The following DLGAP1 variants were observed in gnomAD, a reference collection of about 807,000 sequenced individuals.
The protein encoded by DLGAP1 is DLG associated protein 1.
In DLGAP1, 11 loss-of-function variants were observed where a neutral mutation model predicts 90.8. The observed-to-expected ratio is 0.12, with a 90% CI of 0.08 to 0.20. The LOEUF (loss-of-function observed/expected upper bound fraction) is 0.20. DLGAP1 is among the 10% of genes least tolerant of loss of function. The pLI, the probability that DLGAP1 is intolerant of heterozygous loss-of-function variation, is 1.00. For missense variants in DLGAP1, 1,050 were observed against 1,333.8 expected, an observed-to-expected ratio of 0.79 and a Z score of 3.31; for synonymous variants, 558 against 540.7, an observed-to-expected ratio of 1.03 and a Z score of -0.44.
intron 7 of DLGAP1, among the ~76,000 whole-genome samples, chr18:3,621,825 G>C (rs574428776): frequency 6.6e-6 from 1 of 152,236 alleles, no homozygotes; most frequent in Admixed American, 6.5e-5. Flanking sequence ...GAAATTAGCT[G>C]GGCATGGTGG....
intron 5 of DLGAP1, among the ~76,000 whole-genome samples, chr18:3,761,944 G>A (rs1021552225): frequency 3.4e-4 from 52 of 152,248 alleles, no homozygotes; most frequent in Admixed American, 2.2e-3. Flanking sequence ...GAAGAACTTC[G>A]TCTTTTCTAT....
intron 3 of DLGAP1, among the ~76,000 whole-genome samples, chr18:3,882,874 A>T (rs1198592269): frequency 6.6e-6 from 1 of 152,242 alleles, no homozygotes; most frequent in African/African-American, 2.4e-5. Flanking sequence ...TTGGAAAGCC[A>T]ACATGACTCT....
chr18:3,515,465 T>A (rs548085148), intron 10 of DLGAP1, among the ~76,000 whole-genome samples: 3 of 18,512 alleles, frequency 1.6e-4, no homozygotes, highest in African/African-American at 3.1e-4. Flanking sequence ...CGAGATTCCA[T>A]CTCAAAAAAA....
intron 10 of DLGAP1, among the ~76,000 whole-genome samples, chr18:3,510,780 T>G (rs2050496764): frequency 1.3e-5 from 2 of 152,222 alleles, no homozygotes; most frequent in Admixed American, 1.3e-4. Flanking sequence ...CTGATGGTTC[T>G]CAATTATGTC....
At chr18:3,559,815 G>T (rs2053971435) in intron 9 of DLGAP1, among the ~76,000 whole-genome samples, 1 of 151,480 alleles carries the variant, frequency 6.6e-6, no homozygotes, top group South Asian at 2.1e-4. Flanking sequence ...TAGATACGGG[G>T]TTTCACCATA....
intron 3 of DLGAP1, among the ~76,000 whole-genome samples, chr18:3,973,488 G>A (rs1036073024): frequency 1.3e-5 from 2 of 152,136 alleles, no homozygotes; most frequent in Non-Finnish European, 2.9e-5. Context: ...GAGGGGAGTG[G>A]TGGAGTATAT....
chr18:4,391,167 C>A (rs548148396), intron 1 of DLGAP1, among the ~76,000 whole-genome samples: 3 of 152,172 alleles, frequency 2.0e-5, no homozygotes, highest in Non-Finnish European at 4.4e-5. Flanking sequence ...GGAAGATGCT[C>A]CTCCTGCAAT....
intron 1 of DLGAP1, among the ~76,000 whole-genome samples, chr18:4,411,246 C>A (rs2082770721): frequency 6.6e-6 from 1 of 152,114 alleles, no homozygotes; most frequent in Non-Finnish European, 1.5e-5. Flanking sequence ...AAGGAATAGT[C>A]CAAACATCAC....
intron 1 of DLGAP1, among the ~76,000 whole-genome samples, chr18:4,436,563 A>T (rs1050683029): frequency 2.6e-5 from 4 of 151,770 alleles, no homozygotes; most frequent in Non-Finnish European, 5.9e-5. Flanking sequence ...TTATAAACAC[A>T]TTCATGCCTG....
At chr18:4,111,422 G>A (rs532399792) in intron 2 of DLGAP1, among the ~76,000 whole-genome samples, 29 of 152,012 alleles carry the variant, frequency 1.9e-4, no homozygotes, top group Admixed American at 3.3e-4. Flanking sequence ...TTAGCAAAAC[G>A]CTGGCATCAT....
chr18:4,382,519 G>C (rs1260595397), intron 1 of DLGAP1, among the ~76,000 whole-genome samples: 1 of 136,134 alleles, frequency 7.3e-6, no homozygotes, highest in African/African-American at 2.8e-5. Flanking sequence ...ATTACTTCTT[G>C]GTATGAAACT....
chr18:4,041,277 A>G (rs1369152273), intron 2 of DLGAP1, among the ~76,000 whole-genome samples: 1 of 152,192 alleles, frequency 6.6e-6, no homozygotes, highest in East Asian at 1.9e-4. Flanking sequence ...TCATCATCAT[A>G]GCATGTTACA....
intron 7 of DLGAP1, among the ~76,000 whole-genome samples, chr18:3,611,650 T>TA (rs2057634982): frequency 6.6e-6 from 1 of 152,186 alleles, no homozygotes; most frequent in Admixed American, 6.5e-5. Context: ...TGGCAGAACT[T>TA]ACCACGCGTT....
chr18:3,905,366 C>CA (rs71160924), intron 3 of DLGAP1, among the ~76,000 whole-genome samples: 4,809 of 19,764 alleles, frequency 0.24, 1,550 homozygotes, highest in East Asian at 0.44. Context: ...GACTCCATCT[C>CA]AAAAAAAAAA....
intron 2 of DLGAP1, among the ~76,000 whole-genome samples, chr18:4,111,886 A>C (rs1254579750): frequency 2.0e-5 from 3 of 150,438 alleles, no homozygotes; most frequent in East Asian, 1.9e-4. Flanking sequence ...TCAAATAATA[A>C]ATTTTTTGTT....
chr18:3,582,313 C>A, intron 7 of DLGAP1, 65 bp from the exon 8 acceptor site: 1 of 1,551,792 alleles, frequency 6.4e-7, no homozygotes. Flanking sequence ...GATATTGTAA[C>A]TGACAGCCAT....
intron 7 of DLGAP1, chr18:3,596,555 CT>C (rs35616000): frequency 0.56 from 106,484 of 191,662 alleles, 27,600 homozygotes; most frequent in African/African-American, 0.72. Flanking sequence ...GTTAGGAGAA[CT>C]TTTTTTTTTT....
intron 3 of DLGAP1, among the ~76,000 whole-genome samples, chr18:3,932,373 A>T (rs2072538180): frequency 6.6e-6 from 1 of 152,236 alleles, no homozygotes; most frequent in Admixed American, 6.5e-5. Context: ...ATCAACAAAA[A>T]GTGCCTCATG....
At chr18:4,313,530 C>T (rs4286191) in intron 1 of DLGAP1, among the ~76,000 whole-genome samples, 34,588 of 151,912 alleles carry the variant, frequency 0.23, 4,013 homozygotes, top group Middle Eastern at 0.28. Flanking sequence ...GTGTGTTAGA[C>T]GAAACTCTGA....
Sources: gnomAD v4.1 joint callset for allele counts (sites outside exome capture counted in the v4.1 genomes callset) on GRCh38, gnomAD v4.1.1 for gene constraint, MANE v1.5 for transcripts, NCBI Gene and HGNC (gene_info 2026-07-23, HGNC 2026-07-21) for gene names.